Variants in ELMO1 observed in about 807,000 individuals in gnomAD.
ELMO1 encodes the protein engulfment and cell motility protein 1.
Under a neutral mutation model 98.9 loss-of-function variants are expected in ELMO1, and 26 were observed. That is an observed-to-expected ratio of 0.26 (90% CI 0.19 to 0.36). The LOEUF (loss-of-function observed/expected upper bound fraction) is 0.36. ELMO1 is among the 10% of genes least tolerant of loss of function. The probability of loss-of-function intolerance (pLI) is 1.00; values close to 1 mark genes in which losing one functional copy is unlikely to be tolerated. For synonymous variants in ELMO1, 346 were observed against 346.0 expected (o/e 1.00, Z 0.00); for missense variants, 627 against 935.2 (o/e 0.67, Z 4.30).
intron 18 of ELMO1, among the ~76,000 whole-genome samples, chr7:36,885,336 A>G (rs1390311535): frequency 2.7e-5 from 4 of 150,714 alleles, no homozygotes; most frequent in African/African-American, 4.8e-5. Flanking sequence ...AACAACAACA[A>G]CAACAACAAC....
intron 1 of ELMO1, among the ~76,000 whole-genome samples, chr7:37,439,259 C>G (rs1277641790): frequency 6.6e-6 from 1 of 152,196 alleles, no homozygotes; most frequent in African/African-American, 2.4e-5. Context: ...ATCCAAATGC[C>G]CAGCTCCTGG....
At chr7:37,291,983 T>G (rs1436694563) in intron 4 of ELMO1, among the ~76,000 whole-genome samples, 1 of 76,520 alleles carries the variant, frequency 1.3e-5, no homozygotes, top group Admixed American at 1.6e-4. Context: ...TTCCACGGTC[T>G]CCCTCTGATG....
At chr7:37,009,995 G>C (rs1264120248) in intron 16 of ELMO1, among the ~76,000 whole-genome samples, 1 of 152,142 alleles carries the variant, frequency 6.6e-6, no homozygotes, top group Non-Finnish European at 1.5e-5. Flanking sequence ...GCAGAACAGT[G>C]GCTGATAGAT....
intron 13 of ELMO1, among the ~76,000 whole-genome samples, chr7:37,171,562 G>A (rs1584759822): frequency 8.3e-6 from 1 of 120,074 alleles, no homozygotes; most frequent in Non-Finnish European, 1.6e-5. Flanking sequence ...GCACAATCTC[G>A]GCTCACTGCA....
intron 16 of ELMO1, among the ~76,000 whole-genome samples, chr7:36,955,548 G>A (rs1247331011): frequency 2.0e-5 from 3 of 152,192 alleles, no homozygotes; most frequent in African/African-American, 7.2e-5. Flanking sequence ...CTTGGAGTAT[G>A]TAAGTATCAA....
chr7:36,957,679 T>C (rs910176480), intron 16 of ELMO1, among the ~76,000 whole-genome samples: 1 of 152,228 alleles, frequency 6.6e-6, no homozygotes, highest in Non-Finnish European at 1.5e-5. Flanking sequence ...ACAAGCACCA[T>C]CTTGTGTCTT....
chr7:36,978,515 T>A lies in ELMO1; in HGVS notation c.1437+34784A>T, dbSNP rs1249132638. Among the ~76,000 whole-genome samples the A allele has an allele frequency of 2.0e-5, 3 of 151,638 alleles. No homozygotes were observed. The East Asian group carries it at 5.8e-4, about 29-fold the overall frequency. ...AACCTGCATGTGAAAGAACCAAAAA[T>A]GTACATGTTTCTCAAAGCTTTCATT... On this transcript the variant is annotated intron_variant, in intron 16 of 21. Transcript: ENST00000310758.
intron 5 of ELMO1, among the ~76,000 whole-genome samples, chr7:37,267,034 TATATACACACACAC>T (rs1273825881): frequency 7.0e-5 from 6 of 85,446 alleles, no homozygotes; most frequent in Non-Finnish European, 6.5e-5. Flanking sequence ...AAAATATGTA[TATATACACACACAC>T]ACACACACAC....
chr7:37,077,766 C>T (rs1375657749), intron 15 of ELMO1, among the ~76,000 whole-genome samples: 2 of 152,104 alleles, frequency 1.3e-5, no homozygotes, highest in Non-Finnish European at 1.5e-5. Flanking sequence ...GGAGGAGCCA[C>T]AGGTGGAGAG....
intron 10 of ELMO1, among the ~76,000 whole-genome samples, chr7:37,219,327 T>A (rs1793468817): frequency 6.6e-6 from 1 of 152,156 alleles, no homozygotes; most frequent in African/African-American, 2.4e-5. Flanking sequence ...AAGGTATAAG[T>A]GTTTAAAAGC....
chr7:36,987,799 T>C (rs1046284567), intron 16 of ELMO1, among the ~76,000 whole-genome samples: 1 of 152,178 alleles, frequency 6.6e-6, no homozygotes, highest in African/African-American at 2.4e-5. Flanking sequence ...GTTTTGACAG[T>C]CTTGCTGGAG....
At chr7:37,113,054 T>C (rs1431674540) in intron 14 of ELMO1, among the ~76,000 whole-genome samples, 1 of 152,232 alleles carries the variant, frequency 6.6e-6, no homozygotes, top group East Asian at 1.9e-4. Context: ...TTTTGGGGCA[T>C]ACCGATATAG....
intron 1 of ELMO1, among the ~76,000 whole-genome samples, chr7:37,351,624 ATCC>A (rs1801271992): frequency 1.3e-5 from 2 of 152,200 alleles, no homozygotes; most frequent in Non-Finnish European, 2.9e-5. Flanking sequence ...CTACCCTAAC[ATCC>A]TTCCTAGATA....
At chr7:37,341,137 G>A (rs1304455256) in intron 2 of ELMO1, among the ~76,000 whole-genome samples, 2 of 6,784 alleles carry the variant, frequency 2.9e-4, no homozygotes, top group Non-Finnish European at 7.2e-4. Flanking sequence ...TGTGCTTTCG[G>A]GTGATGCCCA....
chr7:37,307,537 G>A (rs1003827078), intron 4 of ELMO1, among the ~76,000 whole-genome samples: 2 of 152,160 alleles, frequency 1.3e-5, no homozygotes, highest in African/African-American at 4.8e-5. Flanking sequence ...ATAGCAGCAT[G>A]AGAAAGGACA....
Position 36,878,123 on chromosome 7 carries a change from A to G in ELMO1, c.1715-6T>C, listed in dbSNP as rs756403498. The G allele has an allele frequency of 2.1e-5, 34 of 1,608,616 alleles. No individual in the cohort carries two copies. Among genetic ancestry groups the G allele is most frequent in the Non-Finnish European group, 2.8e-5 (33 of 1,175,248 alleles). ...CCGACAATACCAAAACTTGTCTGAGAGAAAAAACACAAGTTTACAAGGTAA... is the reference window on the plus strand; with the variant it reads ...CCGACAATACCAAAACTTGTCTGAGGGAAAAAACACAAGTTTACAAGGTAA... On this transcript the variant is annotated splice_region_variant and splice_polypyrimidine_tract_variant and intron_variant, in intron 18 of 21. Transcript: ENST00000310758.
intron 10 of ELMO1, 48 bp from the exon 11 acceptor site, chr7:37,216,743 C>T: frequency 6.2e-7 from 1 of 1,609,742 alleles, no homozygotes; most frequent in Non-Finnish European, 8.5e-7. Flanking sequence ...TAGAAAGCTA[C>T]ATTTCGACAT....
At chr7:37,077,757 G>C (rs115208314) in intron 15 of ELMO1, among the ~76,000 whole-genome samples, 1 of 152,120 alleles carries the variant, frequency 6.6e-6, no homozygotes, top group South Asian at 2.1e-4. Context: ...CAGGGGTCAG[G>C]AGGAGCCACA....
rs568635635 is a variant in ELMO1 at position 37,147,990 on chromosome 7, A to G, written c.1087-14756T>C. On this transcript the variant is annotated intron_variant, in intron 13 of 21. Transcript: ENST00000310758. ...AAGGGTATTGACAGTATTCTGTGCCACTACAGAAACAGGAATAGCAGAGAA... is the reference window on the plus strand; with the variant it reads ...AAGGGTATTGACAGTATTCTGTGCCGCTACAGAAACAGGAATAGCAGAGAA... 2.6e-5 allele frequency among the ~76,000 whole-genome samples: 4 copies of G among 152,302 alleles called. No homozygotes were observed. The East Asian group carries it at 7.7e-4, about 29-fold the overall frequency.
Sources: allele counts gnomAD v4.1 joint callset (sites outside exome capture counted in the v4.1 genomes callset), GRCh38; gene constraint gnomAD v4.1.1; transcripts MANE v1.5; gene names NCBI Gene and HGNC (gene_info 2026-07-23, HGNC 2026-07-21).